ESR2: variants seen among roughly 807,000 people sequenced by gnomAD.
ESR2 encodes estrogen receptor 2.
A neutral mutation model predicts 49.6 loss-of-function variants in ESR2; 36 were observed. The observed-to-expected ratio is 0.73, with a 90% CI of 0.56 to 0.96. The LOEUF (loss-of-function observed/expected upper bound fraction) is 0.96. ESR2 is among the 40% of genes least tolerant of loss of function. ESR2 has a pLI of 0.00. For synonymous variants in ESR2, 320 were observed against 266.1 expected (o/e 1.20, Z -1.97); for missense variants, 714 against 693.0 (o/e 1.03, Z -0.34).
At chr14:64,274,337 G>C (rs2076512975) in intron 3 of ESR2, among the ~76,000 whole-genome samples, 1 of 152,102 alleles carries the variant, frequency 6.6e-6, no homozygotes, top group Non-Finnish European at 1.5e-5. Flanking sequence ...AATCTTAACA[G>C]TATGTATGTG....
At chr14:64,309,738 G>A (rs1264342876) in intron 1 of ESR2, among the ~76,000 whole-genome samples, 2 of 152,174 alleles carry the variant, frequency 1.3e-5, no homozygotes, top group East Asian at 1.9e-4. Flanking sequence ...GAGAGGCCGA[G>A]GTGGGTGGAT....
At chr14:64,313,190 C>T (rs1175079046) in intron 1 of ESR2, among the ~76,000 whole-genome samples, 1 of 151,916 alleles carries the variant, frequency 6.6e-6, no homozygotes, top group Non-Finnish European at 1.5e-5. Flanking sequence ...ATCTTAAATG[C>T]CCCCAAACAA....
intron 1 of ESR2, among the ~76,000 whole-genome samples, chr14:64,324,616 C>T (rs1176897629): frequency 6.6e-6 from 1 of 152,076 alleles, no homozygotes; most frequent in Non-Finnish European, 1.5e-5. Context: ...TGGAATGATT[C>T]ACAAACAGCT....
chr14:64,233,775 A>T (rs896380182), intron 8 of ESR2: 2 of 159,384 alleles, frequency 1.3e-5, no homozygotes, highest in South Asian at 1.9e-4. Context: ...CATTGAACTC[A>T]TGGCCAGCAG....
rs191074919 is a variant in ESR2, at chr14:64,264,025, G to A, written c.653-3277C>T. On this transcript the variant is annotated intron_variant, in intron 4 of 8. Transcript: ENST00000341099. ...ACCAACATCTTTATAAGTTTTCATC[G>A]GTTAAAGACAAAAAATGTAAAATGG... 3.9e-4 allele frequency among the ~76,000 whole-genome samples: 59 copies of A among 152,092 alleles called. 1 individual carries two copies. The highest frequency in any genetic ancestry group is 3.9e-4 in the East Asian group (2 of 5,182).
intron 1 of ESR2, among the ~76,000 whole-genome samples, chr14:64,283,926 GGTTTT>G (rs971898195): frequency 1.3e-5 from 2 of 151,584 alleles, no homozygotes; most frequent in African/African-American, 4.8e-5. Flanking sequence ...GTTTTGTTTT[GGTTTT>G]GTCTTTGTTT....
intron 3 of ESR2, among the ~76,000 whole-genome samples, chr14:64,270,168 T>C (rs1223002986): frequency 6.6e-6 from 1 of 152,126 alleles, no homozygotes; most frequent in Non-Finnish European, 1.5e-5. Context: ...TGAATCTCAA[T>C]GATAAATGAA....
At chr14:64,250,785 C>T (rs2075970414) in intron 6 of ESR2, among the ~76,000 whole-genome samples, 1 of 152,180 alleles carries the variant, frequency 6.6e-6, no homozygotes, top group Non-Finnish European at 1.5e-5. Flanking sequence ...CCACTGGATA[C>T]ACCAGTCCTG....
chr14:64,279,934 A>C, intron 3 of ESR2, 47 bp downstream of exon 3: 1 of 1,536,074 alleles, frequency 6.5e-7, no homozygotes, highest in Non-Finnish European at 9.0e-7. Flanking sequence ...AAATTGTTTG[A>C]AATCAAAAGT....
At chr14:64,238,888 G>A (rs1031467243) in intron 7 of ESR2, among the ~76,000 whole-genome samples, 1 of 152,050 alleles carries the variant, frequency 6.6e-6, no homozygotes, top group Non-Finnish European at 1.5e-5. Context: ...CCTCTCACCA[G>A]CCCACCTGGT....
rs1434198551 is a variant in ESR2 at position 64,282,932 on chromosome 14, G to A, written c.54C>T (p.Cys18=). 5 of 1,613,884 alleles carry A rather than the reference G, an allele frequency of 3.1e-6. No individual in the cohort carries two copies. The African/African-American group carries it at 5.3e-5, about 17-fold the overall frequency. The change falls in exon 2 of 9, where the codon TGC becomes TGT. Residue 18 remains cysteine (C), a synonymous_variant. Coordinates refer to ENST00000341099, the MANE Select transcript of ESR2 (RefSeq NM_001437.3). Reference sequence around the variant, plus strand: ...GCTCCAGGGGTAAGATGGATTGACTGCAGTTGTAGGAGGAAGGAGAATTAA... The same window carrying A: ...GCTCCAGGGGTAAGATGGATTGACTACAGTTGTAGGAGGAAGGAGAATTAA... ...SSLNSPSSYN[C]SQSILPLEHG...
chr14:64,256,595 G>T (rs1287400830), intron 6 of ESR2, among the ~76,000 whole-genome samples: 1 of 152,074 alleles, frequency 6.6e-6, no homozygotes, highest in East Asian at 1.9e-4. Context: ...CTGGCATGGT[G>T]GTGGACACCT....
At chr14:64,241,799 T>G in intron 7 of ESR2, among the ~76,000 whole-genome samples, 1 of 152,248 alleles carries the variant, frequency 6.6e-6, no homozygotes, top group East Asian at 1.9e-4. Flanking sequence ...TTCACATTTT[T>G]TAGACTCCTT....
intron 1 of ESR2, among the ~76,000 whole-genome samples, chr14:64,300,159 T>C (rs999711305): frequency 6.6e-6 from 1 of 152,198 alleles, no homozygotes; most frequent in Non-Finnish European, 1.5e-5. Flanking sequence ...CCCTACAATG[T>C]TGATTTTATC....
At chr14:64,273,816 A>T (rs1416639859) in intron 3 of ESR2, among the ~76,000 whole-genome samples, 1 of 151,160 alleles carries the variant, frequency 6.6e-6, no homozygotes, top group Non-Finnish European at 1.5e-5. Context: ...ATGATTTTGA[A>T]ATTATTCCCT....
intron 7 of ESR2, among the ~76,000 whole-genome samples, chr14:64,241,025 A>G (rs992128300): frequency 6.6e-5 from 10 of 151,676 alleles, no homozygotes; most frequent in Non-Finnish European, 2.9e-5. Flanking sequence ...GGGCGCCTGT[A>G]GTCCCAGCTA....
chr14:64,241,133 G>C lies in ESR2; in HGVS notation c.1226-5983C>G, dbSNP rs1182524498. Reference sequence around the variant, plus strand: ...TGCACTCCCGCCTGGGCCACAGAGCGAGACTCCGTCTCAAAAAAAAAAAAA... The same window carrying C: ...TGCACTCCCGCCTGGGCCACAGAGCCAGACTCCGTCTCAAAAAAAAAAAAA... On this transcript the variant is annotated intron_variant, in intron 7 of 8. Transcript: ENST00000341099. Among the ~76,000 whole-genome samples the C allele has an allele frequency of 6.1e-5, 7 of 115,134 alleles. 1 individual carries two copies. The highest frequency in any genetic ancestry group is 6.0e-3 in the Middle Eastern group (1 of 168). 75.5% of individuals were successfully genotyped at this position (115,134 alleles called of 152,430 possible). A position where few individuals can be genotyped will look rare whatever the true frequency, so the allele number is the denominator to read the frequency against.
At chr14:64,285,907 C>A (rs766146705) in intron 1 of ESR2, among the ~76,000 whole-genome samples, 2 of 151,666 alleles carry the variant, frequency 1.3e-5, no homozygotes, top group Non-Finnish European at 2.9e-5. Context: ...AGTACCATTT[C>A]TTACTCACCT....
At chr14:64,317,269 CACAA>C (rs778906442) in intron 1 of ESR2, among the ~76,000 whole-genome samples, 8 of 152,124 alleles carry the variant, frequency 5.3e-5, no homozygotes, top group Non-Finnish European at 1.2e-4. Flanking sequence ...TATCTCACAA[CACAA>C]ACAAACAAAA....
Sources: allele counts gnomAD v4.1 joint callset (sites outside exome capture counted in the v4.1 genomes callset), GRCh38; gene constraint gnomAD v4.1.1; transcripts MANE v1.5; gene names NCBI Gene and HGNC (gene_info 2026-07-23, HGNC 2026-07-21).